Variants in STXBP5L observed in about 807,000 individuals in gnomAD.
STXBP5L encodes the protein syntaxin-binding protein 5-like.
A neutral mutation model predicts 144.5 loss-of-function variants in STXBP5L; 65 were observed. That is an observed-to-expected ratio of 0.45 (90% CI 0.37 to 0.55). The LOEUF (loss-of-function observed/expected upper bound fraction) is 0.55, where lower values mean the gene tolerates loss of function less well. Among genes scored for constraint, STXBP5L ranks in the 20% least tolerant of loss-of-function variants. The pLI is 0.00. For missense variants in STXBP5L, 1,298 were observed against 1,405.5 expected (o/e 0.92, Z 1.22); for synonymous variants, 505 against 469.6 (o/e 1.08, Z -0.97).
chr3:121,165,644 A>G (rs1436349215), intron 9 of STXBP5L, among the ~76,000 whole-genome samples: 2 of 152,106 alleles, frequency 1.3e-5, no homozygotes, highest in African/African-American at 4.8e-5. Flanking sequence ...TTATTGGGTG[A>G]AAAGGAAAAA....
At chr3:121,331,059 AT>A (rs1390653980) in intron 20 of STXBP5L, among the ~76,000 whole-genome samples, 1 of 152,238 alleles carries the variant, frequency 6.6e-6, no homozygotes, top group Non-Finnish European at 1.5e-5. Context: ...GAAGAGCAGC[AT>A]TCACAGTAGT....
chr3:121,049,690 C>T (rs567165379), intron 5 of STXBP5L: 2 of 154,080 alleles, frequency 1.3e-5, no homozygotes, highest in African/African-American at 4.8e-5. Flanking sequence ...GCCTGTAGCA[C>T]CTTGCAGGAT....
rs1273126071 is a variant in STXBP5L at position 121,313,013 on chromosome 3, C to A, written c.2111-5462C>A. ...ACGGGGTCATGGCCGGGCAGAGGGGCTCCTCACTTCCCAGTAGGGGCGGCC... is the reference window on the plus strand; with the variant it reads ...ACGGGGTCATGGCCGGGCAGAGGGGATCCTCACTTCCCAGTAGGGGCGGCC... On this transcript the variant is annotated intron_variant, in intron 19 of 26. Transcript: ENST00000471454. 2.6e-5 allele frequency among the ~76,000 whole-genome samples: 4 copies of A among 151,602 alleles called. No individual in the cohort carries two copies. The East Asian group carries it at 7.8e-4, about 30-fold the overall frequency.
At chr3:121,109,906 T>C (rs1377112262) in intron 5 of STXBP5L, among the ~76,000 whole-genome samples, 2 of 152,366 alleles carry the variant, frequency 1.3e-5, no homozygotes, top group East Asian at 3.9e-4. Flanking sequence ...AAGTGAGGCA[T>C]AGAAATTTAG....
At chr3:121,154,101 A>G (rs912656217) in intron 8 of STXBP5L, among the ~76,000 whole-genome samples, 3 of 151,864 alleles carry the variant, frequency 2.0e-5, no homozygotes, top group Non-Finnish European at 4.4e-5. Flanking sequence ...CCTTAAAAAG[A>G]GAGTAAAATT....
chr3:121,315,665 TA>T (rs940130167), intron 19 of STXBP5L, among the ~76,000 whole-genome samples: 26 of 150,380 alleles, frequency 1.7e-4, no homozygotes, highest in African/African-American at 2.2e-4. Context: ...CTCATCAAAG[TA>T]AAAAAAAATC....
At chr3:121,224,578 C>T (rs528865936) in intron 11 of STXBP5L, among the ~76,000 whole-genome samples, 1 of 152,098 alleles carries the variant, frequency 6.6e-6, no homozygotes, top group South Asian at 2.1e-4. Flanking sequence ...TAATGAAAGA[C>T]CTTAATTAAG....
chr3:121,251,727 G>T (rs914648785), intron 15 of STXBP5L, among the ~76,000 whole-genome samples: 4 of 152,262 alleles, frequency 2.6e-5, no homozygotes, highest in African/African-American at 9.6e-5. Flanking sequence ...TGAAGCTGTA[G>T]AAATGAATAG....
intron 3 of STXBP5L, among the ~76,000 whole-genome samples, chr3:121,000,524 T>A (rs1389765627): frequency 6.6e-6 from 1 of 152,182 alleles, no homozygotes; most frequent in East Asian, 1.9e-4. Flanking sequence ...TTACTGGATT[T>A]CTTAGATTTC....
At chr3:121,091,424 A>G (rs2042786924) in intron 5 of STXBP5L, among the ~76,000 whole-genome samples, 1 of 151,770 alleles carries the variant, frequency 6.6e-6, no homozygotes, top group Non-Finnish European at 1.5e-5. Flanking sequence ...ATTTCTCCAC[A>G]TCCTCTCCAG....
intron 3 of STXBP5L, among the ~76,000 whole-genome samples, chr3:121,027,024 A>G (rs1945997805): frequency 6.6e-6 from 1 of 151,826 alleles, no homozygotes; most frequent in East Asian, 1.9e-4. Context: ...CATATGCCAA[A>G]GTGGCATATA....
At chr3:121,091,026 G>T (rs1465049339) in intron 5 of STXBP5L, among the ~76,000 whole-genome samples, 2 of 149,770 alleles carry the variant, frequency 1.3e-5, no homozygotes, top group East Asian at 3.9e-4. Context: ...AGAATATGCG[G>T]TGTGTGGTTT....
At chr3:121,113,820 C>T (rs1163250438) in intron 5 of STXBP5L, among the ~76,000 whole-genome samples, 1 of 151,412 alleles carries the variant, frequency 6.6e-6, no homozygotes, top group South Asian at 2.1e-4. Flanking sequence ...CTATGGGCAC[C>T]CACCACCACG....
intron 23 of STXBP5L, 120 bp from the exon 24 acceptor site, chr3:121,413,038 A>G: frequency 2.3e-6 from 2 of 868,260 alleles, no homozygotes; most frequent in Non-Finnish European, 3.2e-6. Context: ...AAAAAAATAT[A>G]AAAATAAAAA....
At chr3:120,959,902 A>G (rs1306221619) in intron 3 of STXBP5L, among the ~76,000 whole-genome samples, 1 of 152,194 alleles carries the variant, frequency 6.6e-6, no homozygotes, top group Non-Finnish European at 1.5e-5. Context: ...AAAATTGACA[A>G]ATGGGATCTA....
Position 121,157,564 on chromosome 3 carries a change from GGTA to G in STXBP5L, c.817_819del (p.Ser273del). ...ACAGTTCATGTGCAGCCATTCAGAT[GGTA>G]GTTTGACTTTATGGAACCTGAAAAG... On this transcript the variant is annotated inframe_deletion, in exon 9 of 27. Transcript: ENST00000471454. The G allele has an allele frequency of 6.2e-7, 1 of 1,605,804 alleles. No homozygotes were observed. The highest frequency in any genetic ancestry group is 8.5e-7 in the Non-Finnish European group (1 of 1,176,734).
intron 21 of STXBP5L, among the ~76,000 whole-genome samples, chr3:121,379,250 A>T (rs2046269734): frequency 6.6e-6 from 1 of 152,128 alleles, no homozygotes; most frequent in South Asian, 2.1e-4. Context: ...TGCAACCTTA[A>T]TTTCCTCAAT....
At chr3:121,408,130 A>G (rs1180971453) in intron 23 of STXBP5L, among the ~76,000 whole-genome samples, 1 of 151,966 alleles carries the variant, frequency 6.6e-6, no homozygotes, top group African/African-American at 2.4e-5. Context: ...TGAGGTTGCA[A>G]GTCTAGGAAA....
At chr3:121,244,238 T>C (rs1381289999) in intron 14 of STXBP5L, among the ~76,000 whole-genome samples, 1 of 151,290 alleles carries the variant, frequency 6.6e-6, no homozygotes, top group African/African-American at 2.4e-5. Flanking sequence ...AAAAAAACAA[T>C]TCTAGATCTG....
Sources: gnomAD v4.1 joint callset for allele counts (sites outside exome capture counted in the v4.1 genomes callset) on GRCh38, gnomAD v4.1.1 for gene constraint, MANE v1.5 for transcripts, NCBI Gene and HGNC (gene_info 2026-07-23, HGNC 2026-07-21) for gene names.